NR2F1-AS1: variants seen among roughly 807,000 people sequenced by gnomAD.
NR2F1-AS1 encodes the protein NR2F1 antisense RNA 1.
At chr5:93,584,640 G>A (rs901486320), upstream of NR2F1-AS1, 1 of 147,506 alleles carries the variant, frequency 6.8e-6, no homozygotes, top group African/African-American at 2.5e-5. Context: ...AGGGGGGAAG[G>A]AGAGCGCGGC....
At chr5:93,475,217 C>T (rs1750456965) in intron 4 of NR2F1-AS1, among the ~76,000 whole-genome samples, 1 of 151,670 alleles carries the variant, frequency 6.6e-6, no homozygotes, top group South Asian at 2.1e-4. Context: ...CCGTACCTGT[C>T]ATCAGGGACT....
intron 4 of NR2F1-AS1, chr5:93,411,649 G>A (rs1748859020): frequency 6.6e-6 from 1 of 152,080 alleles, no homozygotes; most frequent in Non-Finnish European, 1.5e-5. Context: ...CTCTTATGGT[G>A]GTTGTCTAAA....
chr5:93,515,382 T>A (rs757050264), intron 4 of NR2F1-AS1, among the ~76,000 whole-genome samples: 10 of 151,958 alleles, frequency 6.6e-5, no homozygotes, highest in Non-Finnish European at 1.5e-4. Flanking sequence ...TTACTAATGG[T>A]AGTTCTCCAC....
chr5:93,436,785 C>T (rs1749441420), intron 4 of NR2F1-AS1, among the ~76,000 whole-genome samples: 1 of 152,026 alleles, frequency 6.6e-6, no homozygotes, highest in South Asian at 2.1e-4. Flanking sequence ...ATTCTACCAA[C>T]ACGTAATATA....
intron 4 of NR2F1-AS1, among the ~76,000 whole-genome samples, chr5:93,444,208 C>T (rs1749639801): frequency 6.6e-6 from 1 of 152,068 alleles, no homozygotes; most frequent in African/African-American, 2.4e-5. Flanking sequence ...CAATATTAAC[C>T]TTAAATGTAA....
In NR2F1-AS1 at chr5:93,579,181, C is replaced by A. The variant is rs1752962754; in HGVS notation, n.313+1286G>T. 6.6e-6 allele frequency among the ~76,000 whole-genome samples: 1 copy of A among 152,156 alleles called. No homozygotes were observed. Among genetic ancestry groups the A allele is most frequent in the Non-Finnish European group, 1.5e-5 (1 of 68,024 alleles). Reference sequence around the variant, plus strand: ...GAAAAGCCTTGGTTTCTCCCCGCCCCCTCTTGTGACAGAAAGTTGGCAAGG... The same window carrying A: ...GAAAAGCCTTGGTTTCTCCCCGCCCACTCTTGTGACAGAAAGTTGGCAAGG... On this transcript the variant is annotated intron_variant and non_coding_transcript_variant, in intron 1 of 5. Coordinates refer to ENST00000660523, the Ensembl canonical transcript of NR2F1-AS1. The surrounding 1 kb of genome is among the most constrained non-coding windows in gnomAD (Gnocchi z 5.1).
At chr5:93,413,624 T>C (rs1473703094) in intron 4 of NR2F1-AS1, among the ~76,000 whole-genome samples, 2 of 152,180 alleles carry the variant, frequency 1.3e-5, no homozygotes, top group Non-Finnish European at 2.9e-5. Context: ...TGTGCATGTA[T>C]TAAATATCTG....
chr5:93,446,171 A>G (rs1443970548), intron 4 of NR2F1-AS1, among the ~76,000 whole-genome samples: 1 of 152,176 alleles, frequency 6.6e-6, no homozygotes, highest in African/African-American at 2.4e-5. Flanking sequence ...CACCACTCCT[A>G]TTCAATGAAG....
intron 4 of NR2F1-AS1, among the ~76,000 whole-genome samples, chr5:93,430,440 C>T (rs1749287099): frequency 6.6e-6 from 1 of 152,076 alleles, no homozygotes; most frequent in Non-Finnish European, 1.5e-5. Flanking sequence ...CCCAAGGGTC[C>T]TAAAACTGCT....
At chr5:93,559,427 G>T (rs1191078199) in intron 2 of NR2F1-AS1, among the ~76,000 whole-genome samples, 1 of 152,116 alleles carries the variant, frequency 6.6e-6, no homozygotes, top group African/African-American at 2.4e-5. Context: ...TCTACAATAA[G>T]ACTGTTTTGC....
intron 4 of NR2F1-AS1, among the ~76,000 whole-genome samples, chr5:93,434,027 C>CT (rs1471486087): frequency 2.6e-5 from 4 of 152,012 alleles, no homozygotes; most frequent in African/African-American, 7.2e-5. Flanking sequence ...CCCATATGCT[C>CT]TTTTTTTAGC....
At chr5:93,489,241 T>A (rs867145724) in intron 4 of NR2F1-AS1, among the ~76,000 whole-genome samples, 24 of 139,922 alleles carry the variant, frequency 1.7e-4, no homozygotes, top group Admixed American at 1.0e-3. Flanking sequence ...GAGTATAATT[T>A]AAAAAAAAAA....
chr5:93,425,731 ATAAT>A (rs1561430373), intron 4 of NR2F1-AS1, among the ~76,000 whole-genome samples: 2 of 152,226 alleles, frequency 1.3e-5, no homozygotes, highest in East Asian at 1.9e-4. Context: ...CCCTCAAGGC[ATAAT>A]TAATTATTCC....
chr5:93,504,465 A>G (rs886878772), intron 4 of NR2F1-AS1, among the ~76,000 whole-genome samples: 1 of 152,216 alleles, frequency 6.6e-6, no homozygotes, highest in African/African-American at 2.4e-5. Context: ...ATGATATTCC[A>G]GAGAATAAAA....
chr5:93,444,324 C>G (rs1561440060), intron 4 of NR2F1-AS1, among the ~76,000 whole-genome samples: 1 of 152,160 alleles, frequency 6.6e-6, no homozygotes, highest in Non-Finnish European at 1.5e-5. Flanking sequence ...TGCAGAGACA[C>G]ACACAGGCTC....
chr5:93,462,565 G>A (rs1471495596), intron 4 of NR2F1-AS1, among the ~76,000 whole-genome samples: 1 of 152,082 alleles, frequency 6.6e-6, no homozygotes, highest in Non-Finnish European at 1.5e-5. Context: ...TGGGTAACCG[G>A]CAGAAGTTGG....
chr5:93,505,998 G>A (rs1751178421), intron 4 of NR2F1-AS1, among the ~76,000 whole-genome samples: 1 of 152,170 alleles, frequency 6.6e-6, no homozygotes, highest in South Asian at 2.1e-4. Context: ...GAATCATCAG[G>A]AACTTTTATG....
intron 4 of NR2F1-AS1, among the ~76,000 whole-genome samples, chr5:93,452,969 A>T (rs971610936): frequency 2.0e-5 from 3 of 152,166 alleles, no homozygotes; most frequent in Non-Finnish European, 2.9e-5. Flanking sequence ...TATTACCCAT[A>T]ATCCAAAGAA....
intron 4 of NR2F1-AS1, among the ~76,000 whole-genome samples, chr5:93,416,281 A>G (rs971190807): frequency 6.6e-6 from 1 of 152,240 alleles, no homozygotes; most frequent in African/African-American, 2.4e-5. Context: ...TTTGACACAA[A>G]GACTGTGCAC....
Sources: allele counts gnomAD v4.1 joint callset (sites outside exome capture counted in the v4.1 genomes callset), GRCh38; gene constraint gnomAD v4.1.1; non-coding constraint Gnocchi (gnomAD v3.1); transcripts MANE v1.5; gene names NCBI Gene and HGNC (gene_info 2026-07-23, HGNC 2026-07-21).